FRK: variants seen among roughly 807,000 people sequenced by gnomAD.
FRK encodes tyrosine-protein kinase FRK.
Under a neutral mutation model 56.4 loss-of-function variants are expected in FRK, and 51 were observed. That is an observed-to-expected ratio of 0.90 (90% confidence interval 0.72 to 1.14). The LOEUF (loss-of-function observed/expected upper bound fraction) is 1.14, where lower values mean the gene tolerates loss of function less well. Ranked by LOEUF, FRK falls within the 50% of genes most tolerant of loss-of-function variation. The pLI is 0.00. For synonymous variants in FRK, 245 were observed against 217.9 expected, an observed-to-expected ratio of 1.12 and a Z score of -1.10; for missense variants, 570 against 601.4, an observed-to-expected ratio of 0.95 and a Z score of 0.55.
intron 1 of FRK, among the ~76,000 whole-genome samples, chr6:116,023,089 T>C (rs1265834940): frequency 6.6e-6 from 1 of 152,096 alleles, no homozygotes; most frequent in Non-Finnish European, 1.5e-5. Flanking sequence ...GAAATGCAAA[T>C]TAAAACCAAC....
chr6:116,056,563 C>G (rs1443484223), intron 1 of FRK, among the ~76,000 whole-genome samples: 1 of 152,106 alleles, frequency 6.6e-6, no homozygotes, highest in Non-Finnish European at 1.5e-5. Context: ...TTTTGCAATA[C>G]TTGAATTTTT....
chr6:116,095,567 A>G, the FRK span, among the ~76,000 whole-genome samples: 1 of 152,198 alleles, frequency 6.6e-6, no homozygotes, highest in Admixed American at 6.5e-5. Flanking sequence ...TCAAAGCTCA[A>G]GTCCATCAGT....
At chr6:116,087,359 G>A in the FRK span, among the ~76,000 whole-genome samples, 2 of 152,182 alleles carry the variant, frequency 1.3e-5, no homozygotes, top group African/African-American at 4.8e-5. Flanking sequence ...TTCAACCAAT[G>A]TACCCAACAC....
At chr6:116,079,375 C>A in the FRK span, among the ~76,000 whole-genome samples, 1 of 148,140 alleles carries the variant, frequency 6.8e-6, no homozygotes, top group Non-Finnish European at 1.5e-5. Flanking sequence ...TGATTCAGGT[C>A]TTTTGCCTAT....
the FRK span, among the ~76,000 whole-genome samples, chr6:116,072,530 AACAC>A: frequency 2.8e-3 from 399 of 144,956 alleles, 1 homozygote; most frequent in African/African-American, 5.4e-3. Flanking sequence ...AGGTTAAATA[AACAC>A]ACACACACAC....
chr6:116,080,046 G>A, the FRK span, among the ~76,000 whole-genome samples: 1 of 152,134 alleles, frequency 6.6e-6, no homozygotes, highest in African/African-American at 2.4e-5. Flanking sequence ...ATGTGAATAT[G>A]TACTTTTTTT....
chr6:115,999,028 A>G (rs1039714267), intron 2 of FRK, among the ~76,000 whole-genome samples: 2 of 152,176 alleles, frequency 1.3e-5, no homozygotes, highest in Admixed American at 6.5e-5. Context: ...CTGCAGCTCA[A>G]TTTTAGACCC....
intron 5 of FRK, among the ~76,000 whole-genome samples, chr6:115,954,716 TC>T (rs1314180024): frequency 6.6e-6 from 1 of 152,164 alleles, no homozygotes; most frequent in East Asian, 1.9e-4. Flanking sequence ...ATGATTTTTT[TC>T]CTCCTTTCAA....
At chr6:116,078,108 T>A in the FRK span, among the ~76,000 whole-genome samples, 1 of 152,076 alleles carries the variant, frequency 6.6e-6, no homozygotes, top group Non-Finnish European at 1.5e-5. Flanking sequence ...TGCAGTGAGC[T>A]GAGATCGCAC....
intron 2 of FRK, among the ~76,000 whole-genome samples, chr6:115,985,159 T>TC (rs1302972776): frequency 6.6e-6 from 1 of 152,026 alleles, no homozygotes; most frequent in Non-Finnish European, 1.5e-5. Context: ...AAAAGAACAC[T>TC]CCCTGCAGGA....
intron 1 of FRK, among the ~76,000 whole-genome samples, chr6:116,027,865 T>C (rs1431270257): frequency 6.9e-6 from 1 of 144,518 alleles, no homozygotes; most frequent in Admixed American, 6.8e-5. Flanking sequence ...TATATAGGAG[T>C]GGACAGGACA....
At chr6:116,013,117 G>A (rs902267959) in intron 1 of FRK, among the ~76,000 whole-genome samples, 9 of 152,102 alleles carry the variant, frequency 5.9e-5, no homozygotes, top group Non-Finnish European at 1.0e-4. Flanking sequence ...GAGAAATTTT[G>A]AAGGAATTTC....
Position 115,942,688 on chromosome 6 carries a change from A to T in FRK, c.1307-63T>A, listed in dbSNP as rs1038102211. ...AACAAGTTAAAGGTCAGAGTCTTAA[A>T]CTTATAGCCATTTATACTCTAGGTT... On this transcript the variant is annotated intron_variant, in intron 7 of 7. Transcript: ENST00000606080. 6 of 1,388,898 alleles carry T rather than the reference A, an allele frequency of 4.3e-6. No individual in the cohort carries two copies. The African/African-American group carries it at 7.2e-5, about 17-fold the overall frequency. 86.0% of individuals were successfully genotyped at this position (1,388,898 alleles called of 1,614,324 possible).
At chr6:116,091,625 C>T in the FRK span, among the ~76,000 whole-genome samples, 5 of 152,284 alleles carry the variant, frequency 3.3e-5, no homozygotes, top group Non-Finnish European at 5.9e-5. Context: ...GGACCCCTTT[C>T]GCTTGCTATT....
At chr6:116,052,637 G>C (rs186409727) in intron 1 of FRK, among the ~76,000 whole-genome samples, 2 of 152,168 alleles carry the variant, frequency 1.3e-5, no homozygotes, top group Non-Finnish European at 2.9e-5. Context: ...GAAAGGCTTG[G>C]GGAAGGAGGA....
At chr6:116,003,443 A>C (rs753000236) in intron 2 of FRK, among the ~76,000 whole-genome samples, 3 of 152,218 alleles carry the variant, frequency 2.0e-5, no homozygotes, top group Non-Finnish European at 4.4e-5. Context: ...TATGGGGTTA[A>C]TCACATATAT....
chr6:115,968,704 T>C lies in FRK; in HGVS notation c.502A>G (p.Lys168Glu). 6.2e-7 allele frequency: 1 copy of C among 1,613,880 alleles called. No individual in the cohort carries two copies. The highest frequency in any genetic ancestry group is 8.5e-7 in the Non-Finnish European group (1 of 1,179,832). ...DGAVVKHYRI[K>E]RLDEGGFFLT... ...AAAAATCCCCCTTCATCCAGTCTTT[T>C]AATTCTGTAGTGTTTTACAACTGCT... Residue 168 changes from lysine (K) to glutamate (E), a missense_variant, in exon 3 of 8, where the codon AAA becomes GAA. By Grantham distance (56) the Lys-to-Glu change is moderately conservative. Coordinates refer to ENST00000606080, the MANE Select transcript of FRK (RefSeq NM_002031.3).
chr6:116,013,910 G>C (rs925325204), intron 1 of FRK, among the ~76,000 whole-genome samples: 3 of 152,044 alleles, frequency 2.0e-5, no homozygotes, highest in African/African-American at 4.8e-5. Context: ...AAAAAAGAGG[G>C]AGCATCTTTC....
At chr6:116,055,461 C>T (rs1300083808) in intron 1 of FRK, among the ~76,000 whole-genome samples, 1 of 152,134 alleles carries the variant, frequency 6.6e-6, no homozygotes, top group Non-Finnish European at 1.5e-5. Context: ...GAAAAACTTT[C>T]TACAAAATCC....
Sources: gnomAD v4.1 joint callset for allele counts (sites outside exome capture counted in the v4.1 genomes callset) on GRCh38, gnomAD v4.1.1 for gene constraint, MANE v1.5 for transcripts, NCBI Gene and HGNC (gene_info 2026-07-23, HGNC 2026-07-21) for gene names.